SLC39A10: variants seen among roughly 807,000 people sequenced by gnomAD.
SLC39A10 encodes the protein zinc transporter ZIP10.
SLC39A10 carries 13 observed loss-of-function variants against 65.1 expected under a neutral mutation model. That is an observed-to-expected ratio of 0.20 (90% CI 0.13 to 0.32). The LOEUF (loss-of-function observed/expected upper bound fraction) is 0.32. SLC39A10 is among the 10% of genes least tolerant of loss of function. The pLI is 1.00. For synonymous variants in SLC39A10, 321 were observed against 342.2 expected (o/e 0.94, Z 0.68); for missense variants, 831 against 1,018.4 (o/e 0.82, Z 2.50).
chr2:195,684,842 G>C (rs1170280699), intron 3 of SLC39A10, among the ~76,000 whole-genome samples: 1 of 152,138 alleles, frequency 6.6e-6, no homozygotes, highest in South Asian at 2.1e-4. Flanking sequence ...AATGCAAAGA[G>C]ATTCTGACAC....
Position 195,716,875 on chromosome 2 carries a change from C to CAAGCAA in SLC39A10, c.1940_1941insAAAGCA (p.Lys646_His647insGlnLys). The stretch of plus-strand genomic sequence containing the variant: ...GGAAGCATAATCACCAGTGGCACCA[C>CAAGCAA]AAGCATTCTCATCATTCCCATGGCC... On this transcript the variant is annotated inframe_insertion, in exon 7 of 10. Coordinates refer to ENST00000359634, the MANE Select transcript of SLC39A10 (RefSeq NM_020342.3). The CAAGCAA allele has an allele frequency of 6.2e-7, 1 of 1,614,186 alleles. No homozygotes were observed. The highest frequency in any genetic ancestry group is 8.5e-7 in the Non-Finnish European group (1 of 1,180,034).
chr2:195,715,842 T>C (rs1227484779), intron 6 of SLC39A10, among the ~76,000 whole-genome samples: 6 of 152,210 alleles, frequency 3.9e-5, no homozygotes, highest in Non-Finnish European at 7.3e-5. Flanking sequence ...TTGCAGTGTT[T>C]GCCACTATTG....
rs35974800 is a variant in SLC39A10, at chr2:195,737,408, G to GTGAT, written c.*2377_*2380dup. 100 of 156,206 alleles carry GTGAT rather than the reference G, an allele frequency of 6.4e-4. No individual in the cohort carries two copies. The highest frequency in any genetic ancestry group is 2.3e-3 in the East Asian group (12 of 5,266). The allele number at this position is 156,206 out of a possible 1,614,324, so 9.7% of individuals were successfully genotyped here. A position where few individuals can be genotyped will look rare whatever the true frequency, so the allele number is the denominator to read the frequency against. On this transcript the variant is annotated 3_prime_UTR_variant, in exon 10 of 10. Coordinates refer to ENST00000359634, the MANE Select transcript of SLC39A10 (RefSeq NM_020342.3). ...TCACATTGCATTCAATCAATCAGCTGTGATTGATTGATTATGCTTAGAAAT... is the reference window on the plus strand; with the variant it reads ...TCACATTGCATTCAATCAATCAGCTGTGATTGATTGATTGATTATGCTTAGAAAT...
intron 8 of SLC39A10, among the ~76,000 whole-genome samples, chr2:195,723,802 TG>T (rs1692137823): frequency 6.6e-6 from 1 of 152,124 alleles, no homozygotes; most frequent in Admixed American, 6.5e-5. Flanking sequence ...TATTGGGTAC[TG>T]GGTACTATTG....
intron 1 of SLC39A10, among the ~76,000 whole-genome samples, chr2:195,678,131 T>C (rs1205423617): frequency 6.6e-6 from 1 of 152,196 alleles, no homozygotes; most frequent in African/African-American, 2.4e-5. Context: ...GTTGGGCATA[T>C]ACCCCAGATT....
intron 2 of SLC39A10, among the ~76,000 whole-genome samples, chr2:195,618,431 A>G (rs538133057): frequency 6.6e-6 from 1 of 152,262 alleles, no homozygotes; most frequent in East Asian, 1.9e-4. Flanking sequence ...CCAGGAGATC[A>G]GTTCTAGAAA....
intron 1 of SLC39A10, among the ~76,000 whole-genome samples, chr2:195,677,155 A>G (rs144846559): frequency 1.3e-5 from 2 of 152,344 alleles, no homozygotes; most frequent in East Asian, 3.9e-4. Flanking sequence ...CACAAAGTAA[A>G]CATATTTACA....
At chr2:195,719,319 G>A (rs535609341) in intron 8 of SLC39A10, among the ~76,000 whole-genome samples, 6 of 151,890 alleles carry the variant, frequency 4.0e-5, no homozygotes, top group Admixed American at 6.6e-5. Flanking sequence ...TCTCCATCCC[G>A]ATTACGATGA....
chr2:195,712,712 T>TA, intron 5 of SLC39A10, among the ~76,000 whole-genome samples: 2 of 152,292 alleles, frequency 1.3e-5, no homozygotes, highest in East Asian at 3.9e-4. Context: ...TGTGAAGACA[T>TA]ACAGTAAGAA....
intron 2 of SLC39A10, among the ~76,000 whole-genome samples, chr2:195,631,886 T>C (rs1688593213): frequency 1.3e-5 from 2 of 152,170 alleles, no homozygotes; most frequent in South Asian, 4.2e-4. Context: ...GTTTATTTTA[T>C]TATTAATTTA....
chr2:195,665,307 ACT>A (rs1246096918), intron 1 of SLC39A10, among the ~76,000 whole-genome samples: 1 of 152,012 alleles, frequency 6.6e-6, no homozygotes, highest in African/African-American at 2.4e-5. Context: ...ACAGAGCGAG[ACT>A]CTGTCAAAAA....
chr2:195,631,245 TAG>T (rs1688580120), intron 2 of SLC39A10, among the ~76,000 whole-genome samples: 1 of 151,798 alleles, frequency 6.6e-6, no homozygotes, highest in African/African-American at 2.4e-5. Flanking sequence ...GACATAGAGC[TAG>T]AGAGTTACAA....
intron 2 of SLC39A10, among the ~76,000 whole-genome samples, chr2:195,617,867 G>A (rs1384933468): frequency 1.3e-5 from 2 of 151,152 alleles, no homozygotes; most frequent in Non-Finnish European, 3.0e-5. Flanking sequence ...AGCCTCCCGA[G>A]TAGCTGGGAC....
At chr2:195,713,168 A>G (rs1248369516) in intron 5 of SLC39A10, among the ~76,000 whole-genome samples, 1 of 152,224 alleles carries the variant, frequency 6.6e-6, no homozygotes, top group African/African-American at 2.4e-5. Context: ...TGCATCTAAT[A>G]ATTCAGTACT....
intron 1 of SLC39A10, among the ~76,000 whole-genome samples, chr2:195,664,458 A>G (rs1009526005): frequency 5.3e-5 from 8 of 152,114 alleles, no homozygotes; most frequent in Non-Finnish European, 1.0e-4. Flanking sequence ...AGAAACCTTA[A>G]TAAGTTTCAT....
At chr2:195,638,958 T>TTTTTG (rs1553493511) in intron 2 of SLC39A10, among the ~76,000 whole-genome samples, 2 of 151,558 alleles carry the variant, frequency 1.3e-5, no homozygotes, top group African/African-American at 4.8e-5. Flanking sequence ...GGCAGTTTTT[T>TTTTTG]TTTTTGTTTT....
intron 2 of SLC39A10, among the ~76,000 whole-genome samples, chr2:195,643,399 C>T (rs1181712717): frequency 6.6e-6 from 1 of 152,172 alleles, no homozygotes; most frequent in Admixed American, 6.5e-5. Flanking sequence ...CCTTCTTTCA[C>T]AGTATTCATC....
chr2:195,730,900 G>A (rs1293348147), intron 9 of SLC39A10, among the ~76,000 whole-genome samples: 1 of 151,986 alleles, frequency 6.6e-6, no homozygotes, highest in African/African-American at 2.4e-5. Context: ...TCAACTTTTT[G>A]CCCTCCCACA....
intron 1 of SLC39A10, chr2:195,657,558 C>T: frequency 1.0e-6 from 1 of 983,796 alleles, no homozygotes; most frequent in Non-Finnish European, 1.2e-6. Flanking sequence ...CGGGAGCCGG[C>T]GGCATCCACT....
Sources: gnomAD v4.1 joint callset for allele counts (sites outside exome capture counted in the v4.1 genomes callset) on GRCh38, gnomAD v4.1.1 for gene constraint, MANE v1.5 for transcripts, NCBI Gene and HGNC (gene_info 2026-07-23, HGNC 2026-07-21) for gene names.